Variants in NFIA observed in about 807,000 individuals in gnomAD.
NFIA encodes the protein nuclear factor I A.
In NFIA, 8 loss-of-function variants were observed where a neutral mutation model predicts 62.8. That is an observed-to-expected ratio of 0.13 (90% CI 0.07 to 0.23). The LOEUF is 0.23. Ranked by LOEUF, NFIA falls within the 10% of genes least tolerant of loss-of-function variation. NFIA has a pLI of 1.00. For synonymous variants in NFIA, 235 were observed against 238.1 expected (o/e 0.99, Z 0.12); for missense variants, 410 against 642.1 (o/e 0.64, Z 3.91).
At chr1:61,352,150 T>TA in intron 4 of NFIA, among the ~76,000 whole-genome samples, 1 of 152,156 alleles carries the variant, frequency 6.6e-6, no homozygotes. Flanking sequence ...CAGAAAAGTG[T>TA]AAGACCAAAA....
intron 3 of NFIA, among the ~76,000 whole-genome samples, chr1:61,291,825 G>GT (rs1215534848): frequency 6.6e-6 from 1 of 152,186 alleles, no homozygotes; most frequent in African/African-American, 2.4e-5. Flanking sequence ...CATATGACAT[G>GT]TAAGTATGGT....
chr1:61,412,665 A>G (rs554389988), intron 9 of NFIA, among the ~76,000 whole-genome samples: 210 of 152,174 alleles, frequency 1.4e-3, no homozygotes, highest in Non-Finnish European at 2.8e-3. Context: ...TTACTGCTGG[A>G]CTTATCATAA....
chr1:61,245,767 A>G (rs1315250560), intron 2 of NFIA, among the ~76,000 whole-genome samples: 1 of 152,156 alleles, frequency 6.6e-6, no homozygotes, highest in Non-Finnish European at 1.5e-5. Context: ...TTCATTTAAA[A>G]TAGCAAAAAT....
At chr1:61,402,249 A>C (rs999294849) in intron 7 of NFIA, among the ~76,000 whole-genome samples, 2 of 151,928 alleles carry the variant, frequency 1.3e-5, no homozygotes, top group South Asian at 4.2e-4. Context: ...CGTGTTACCC[A>C]GGGTGGTCTC....
At chr1:61,085,080 A>G (rs907384425) in intron 1 of NFIA, among the ~76,000 whole-genome samples, 3 of 152,142 alleles carry the variant, frequency 2.0e-5, no homozygotes, top group Non-Finnish European at 4.4e-5. Context: ...TTTTAGAGCC[A>G]GTTTTAGGAA....
At chr1:61,264,804 T>A (rs955154806) in intron 2 of NFIA, among the ~76,000 whole-genome samples, 3 of 151,936 alleles carry the variant, frequency 2.0e-5, no homozygotes, top group African/African-American at 7.3e-5. Context: ...GTTACTGAAA[T>A]GGAAAATATT....
chr1:61,395,866 C>T lies in NFIA; in HGVS notation c.1076-8238C>T, dbSNP rs1324140723. Among the ~76,000 whole-genome samples the T allele has an allele frequency of 3.3e-5, 5 of 152,208 alleles. No individual in the cohort carries two copies. The South Asian group carries it at 1.0e-3, about 32-fold the overall frequency. Reference sequence around the variant, plus strand: ...CCCCAAAGCCAAAGTATCTTAAAGACTGAGTCTAGATATACTGTACAACTT... The same window carrying T: ...CCCCAAAGCCAAAGTATCTTAAAGATTGAGTCTAGATATACTGTACAACTT... On this transcript the variant is annotated intron_variant, in intron 7 of 10. Coordinates refer to ENST00000403491, the MANE Select transcript of NFIA (RefSeq NM_001134673.4).
chr1:61,170,735 A>G (rs1649907347), intron 2 of NFIA, among the ~76,000 whole-genome samples: 1 of 152,192 alleles, frequency 6.6e-6, no homozygotes. Context: ...GGAACTTTAG[A>G]AGAGGGTCTG....
At chr1:61,391,711 T>G (rs1664995755) in intron 7 of NFIA, among the ~76,000 whole-genome samples, 1 of 152,238 alleles carries the variant, frequency 6.6e-6, no homozygotes, top group Non-Finnish European at 1.5e-5. Flanking sequence ...GTTTCACTAC[T>G]ACTGTAATTG....
intron 2 of NFIA, among the ~76,000 whole-genome samples, chr1:61,137,950 C>T (rs925633288): frequency 6.6e-6 from 1 of 150,542 alleles, no homozygotes; most frequent in East Asian, 1.9e-4. Context: ...CTCTCTCCCA[C>T]CTCTTTTTTT....
At chr1:61,417,754 G>A (rs1407809393) in intron 9 of NFIA, among the ~76,000 whole-genome samples, 1 of 152,144 alleles carries the variant, frequency 6.6e-6, no homozygotes, top group Non-Finnish European at 1.5e-5. Flanking sequence ...AGTCCCTGAT[G>A]AAATGATTTT....
chr1:61,333,619 C>G (rs1350192661), intron 4 of NFIA, among the ~76,000 whole-genome samples: 1 of 152,204 alleles, frequency 6.6e-6, no homozygotes, highest in Admixed American at 6.5e-5. Context: ...ATAAGTTAAT[C>G]CTTGCAATAA....
At chr1:61,231,419 G>A (rs1043791290) in intron 2 of NFIA, among the ~76,000 whole-genome samples, 1 of 152,152 alleles carries the variant, frequency 6.6e-6, no homozygotes, top group Admixed American at 6.6e-5. Context: ...TTCTTTGTTA[G>A]ATGTTATGCC....
chr1:61,417,297 AT>A (rs1284821014), intron 9 of NFIA, among the ~76,000 whole-genome samples: 2 of 147,628 alleles, frequency 1.4e-5, no homozygotes, highest in African/African-American at 5.0e-5. Flanking sequence ...GTGTATACAC[AT>A]ATAAGATGAT....
At position 61,088,532 on chromosome 1, in the gene NFIA, T is replaced by G; in HGVS notation, c.411T>G (p.Phe137Leu). The G allele has an allele frequency of 1.2e-6, 2 of 1,613,976 alleles. No homozygotes were observed. The highest frequency in any genetic ancestry group is 4.5e-5 in the East Asian group (2 of 44,872). ...WRLDLVMVIL[F>L]KGIPLESTDG... ...TGGACCTTGTTATGGTGATTTTGTT[T>G]AAAGGTATTCCGCTGGAAAGTACTG... is the stretch of plus-strand genomic sequence containing the variant. The change falls in exon 2 of 11, where the codon TTT becomes TTG. Residue 137 changes from phenylalanine to leucine, a missense_variant. Phe to Leu is a conservative substitution (Grantham distance 22, BLOSUM62 0). This residue lies in a region of NFIA where 26 missense variants were observed against 79.4 expected (regional missense o/e 0.33). Coordinates refer to ENST00000403491, the MANE Select transcript of NFIA (RefSeq NM_001134673.4). This position sits in a 1 kb window ranked among gnomAD's most constrained non-coding sequence, Gnocchi z 4.5.
In NFIA at chr1:61,083,757, C is replaced by CCCGCCG. The variant is rs532470012; in HGVS notation, c.27+951_27+956dup. Among the ~76,000 whole-genome samples the CCCGCCG allele has an allele frequency of 3.0e-4, 45 of 151,064 alleles. No homozygotes were observed. In the East Asian group the frequency reaches 3.9e-3, roughly 13 times the overall value. ...GCGGCCCGGGCCGGACACGGCTCCC[C>CCCGCCG]CCGCCGCCGCCGCCGCCACCACCAC... is the stretch of plus-strand genomic sequence containing the variant. On this transcript the variant is annotated intron_variant, in intron 1 of 10. Transcript: ENST00000403491.
chr1:61,087,066 T>G (rs1646231364), intron 1 of NFIA, among the ~76,000 whole-genome samples: 1 of 152,174 alleles, frequency 6.6e-6, no homozygotes, highest in South Asian at 2.1e-4. Context: ...GGTTACTGCT[T>G]AATTTTTTAA....
Position 61,406,624 on chromosome 1 carries a change from G to A in NFIA, c.1317G>A (p.Pro439=), listed in dbSNP as rs200909073. The part of the protein sequence containing the change: ...NPFLPTPMLP[P]PPPPPMARPV... Reference sequence around the variant, plus strand: ...TCCTTCCCACCCCAATGTTGCCACCGCCACCGCCACCACCGATGGCCAGGC... The same window carrying A: ...TCCTTCCCACCCCAATGTTGCCACCACCACCGCCACCACCGATGGCCAGGC... The change falls in exon 9 of 11, where the codon CCG becomes CCA. Residue 439 remains proline (P), a synonymous_variant. Transcript: ENST00000403491. The A allele has an allele frequency of 7.9e-5, 106 of 1,343,774 alleles. No homozygotes were observed. Among genetic ancestry groups the A allele is most frequent in the Middle Eastern group, 2.1e-4 (1 of 4,728 alleles). The allele number at this position is 1,343,774 out of a possible 1,614,324, so 83.2% of individuals were successfully genotyped here.
intron 3 of NFIA, among the ~76,000 whole-genome samples, 198 bp downstream of exon 3, chr1:61,277,783 C>A (rs781739061): frequency 3.9e-5 from 6 of 152,092 alleles, no homozygotes; most frequent in Non-Finnish European, 7.4e-5. Context: ...GCCTCAGGAC[C>A]CCCGGCCCTA....
Sources: allele counts gnomAD v4.1 joint callset (sites outside exome capture counted in the v4.1 genomes callset), GRCh38; gene constraint gnomAD v4.1.1; regional missense constraint gnomAD v4.1.1; non-coding constraint Gnocchi (gnomAD v3.1); transcripts MANE v1.5; gene names NCBI Gene and HGNC (gene_info 2026-07-23, HGNC 2026-07-21).